Variants in CADM1 observed in about 807,000 individuals in gnomAD.
CADM1 encodes the protein cell adhesion molecule 1.
CADM1 carries 15 observed loss-of-function variants against 53.1 expected under a neutral mutation model. The observed-to-expected ratio is 0.28, with a 90% CI of 0.19 to 0.44. The LOEUF is 0.44. Ranked by LOEUF, CADM1 falls within the 20% of genes least tolerant of loss-of-function variation. CADM1 has a pLI of 1.00. For synonymous variants in CADM1, 281 were observed against 243.0 expected (o/e 1.16, Z -1.45); for missense variants, 434 against 611.3 (o/e 0.71, Z 3.06).
At chr11:115,186,516 A>G (rs1476646633) in intron 10 of CADM1, among the ~76,000 whole-genome samples, 1 of 152,086 alleles carries the variant, frequency 6.6e-6, no homozygotes, top group Non-Finnish European at 1.5e-5. Context: ...TCATAGGGGG[A>G]AAGGTGGCCC....
At chr11:115,388,359 T>A (rs189770254) in intron 1 of CADM1, among the ~76,000 whole-genome samples, 1 of 152,054 alleles carries the variant, frequency 6.6e-6, no homozygotes, top group Non-Finnish European at 1.5e-5. Flanking sequence ...AAAATCACCA[T>A]AGAAAAGACT....
intron 1 of CADM1, among the ~76,000 whole-genome samples, chr11:115,441,877 AC>A (rs765576481): frequency 5.3e-5 from 8 of 152,054 alleles, no homozygotes; most frequent in Non-Finnish European, 1.2e-4. Flanking sequence ...GCAAAAACAA[AC>A]AAAAAAAACC....
intron 1 of CADM1, among the ~76,000 whole-genome samples, chr11:115,393,558 GAA>G (rs35434663): frequency 2.1e-5 from 3 of 140,148 alleles, no homozygotes; most frequent in African/African-American, 8.0e-5. Flanking sequence ...AACAGTATCT[GAA>G]AAAAAAAAAA....
In CADM1 at chr11:115,396,180, G is replaced by A. The variant is rs560370364; in HGVS notation, c.124+108091C>T. ...TCAAAGATGCCTCTCAGTTTGGCAGGGCCTCCACATATGTCTGTGAATAAT... is the reference window on the plus strand; with the variant it reads ...TCAAAGATGCCTCTCAGTTTGGCAGAGCCTCCACATATGTCTGTGAATAAT... On this transcript the variant is annotated intron_variant, in intron 1 of 11. Transcript: ENST00000331581. Among the ~76,000 whole-genome samples the A allele has an allele frequency of 3.3e-4, 51 of 152,306 alleles. No homozygotes were observed. The South Asian group carries it at 4.1e-3, about 12-fold the overall frequency.
At chr11:115,282,735 C>T (rs773938283) in intron 1 of CADM1, among the ~76,000 whole-genome samples, 1 of 152,128 alleles carries the variant, frequency 6.6e-6, no homozygotes, top group East Asian at 1.9e-4. Context: ...ATACACCAAT[C>T]GCCTTAAATG....
At chr11:115,263,094 A>C (rs1312168169) in intron 1 of CADM1, among the ~76,000 whole-genome samples, 1 of 152,236 alleles carries the variant, frequency 6.6e-6, no homozygotes, top group Non-Finnish European at 1.5e-5. Context: ...AATGCCACGG[A>C]GGCGACGCGC....
chr11:115,198,127 G>A (rs1940248627), intron 9 of CADM1, among the ~76,000 whole-genome samples: 1 of 152,168 alleles, frequency 6.6e-6, no homozygotes, highest in African/African-American at 2.4e-5. Flanking sequence ...AGGTTTGGTG[G>A]AGTTTTGTAA....
intron 1 of CADM1, among the ~76,000 whole-genome samples, chr11:115,371,638 AT>A (rs11396249): frequency 0.015 from 2,085 of 135,374 alleles, 10 homozygotes; most frequent in Middle Eastern, 0.027. Flanking sequence ...GTCAGACTGG[AT>A]TTTTTTTTTT....
At chr11:115,181,591 C>T (rs902032736) in intron 10 of CADM1, among the ~76,000 whole-genome samples, 2 of 152,202 alleles carry the variant, frequency 1.3e-5, no homozygotes, top group East Asian at 1.9e-4. Context: ...GGAACACTGC[C>T]GGTTACGAGC....
intron 1 of CADM1, among the ~76,000 whole-genome samples, chr11:115,341,315 A>C (rs77364416): frequency 6.6e-6 from 1 of 152,158 alleles, no homozygotes; most frequent in African/African-American, 2.4e-5. Flanking sequence ...TGGCCTCCTC[A>C]TGAGCTACAA....
chr11:115,295,542 A>G (rs1202607319), intron 1 of CADM1, among the ~76,000 whole-genome samples: 1 of 56,294 alleles, frequency 1.8e-5, no homozygotes, highest in Non-Finnish European at 2.7e-5. Flanking sequence ...ATATATATAT[A>G]TATATATAAT....
intron 1 of CADM1, among the ~76,000 whole-genome samples, chr11:115,294,443 T>C (rs1943993622): frequency 6.6e-6 from 1 of 152,202 alleles, no homozygotes; most frequent in South Asian, 2.1e-4. Flanking sequence ...CCCGTTCTCA[T>C]CTACCGCCAT....
At chr11:115,384,167 A>T (rs1377759216) in intron 1 of CADM1, among the ~76,000 whole-genome samples, 4 of 152,190 alleles carry the variant, frequency 2.6e-5, no homozygotes, top group African/African-American at 9.6e-5. Flanking sequence ...GCCATTAAAT[A>T]TTGAACAGAT....
At chr11:115,277,968 G>A (rs1415376642) in intron 1 of CADM1, among the ~76,000 whole-genome samples, 1 of 151,936 alleles carries the variant, frequency 6.6e-6, no homozygotes, top group Non-Finnish European at 1.5e-5. Context: ...TCCATCCCTG[G>A]TATCAAACTT....
rs1412916203 is a variant in CADM1 at position 115,169,608 on chromosome 11, G to A, written c.*6866C>T. On this transcript the variant is annotated 3_prime_UTR_variant, in exon 12 of 12. Transcript: ENST00000331581. The stretch of plus-strand genomic sequence containing the variant: ...CCCTCATCACTTTATTCTGGGAGAG[G>A]AGGTTAGAGAAAACAGGCCTAGAGA... 2 of 456,656 alleles carry A rather than the reference G, an allele frequency of 4.4e-6. No homozygotes were observed. The highest frequency in any genetic ancestry group is 8.8e-6 in the Non-Finnish European group (2 of 226,960). 28.3% of individuals were successfully genotyped at this position (456,656 alleles called of 1,614,324 possible). A position where few individuals can be genotyped will look rare whatever the true frequency, so the allele number is the denominator to read the frequency against.
intron 1 of CADM1, among the ~76,000 whole-genome samples, chr11:115,496,474 T>A (rs567871995): frequency 6.6e-6 from 1 of 152,272 alleles, no homozygotes; most frequent in Non-Finnish European, 1.5e-5. Context: ...CCATCAGGAT[T>A]AAGCTGAAAA....
intron 1 of CADM1, among the ~76,000 whole-genome samples, chr11:115,452,341 C>T (rs1948592897): frequency 6.6e-6 from 1 of 152,276 alleles, no homozygotes; most frequent in African/African-American, 2.4e-5. Flanking sequence ...ATTTGAATTA[C>T]AGCTCACCAA....
intron 10 of CADM1, among the ~76,000 whole-genome samples, chr11:115,179,265 C>T (rs1939195470): frequency 6.6e-6 from 1 of 152,070 alleles, no homozygotes; most frequent in Non-Finnish European, 1.5e-5. Context: ...GCCACAGTTG[C>T]CTAGAGATAA....
intron 10 of CADM1, among the ~76,000 whole-genome samples, chr11:115,189,369 G>C (rs1011091570): frequency 6.6e-6 from 1 of 152,118 alleles, no homozygotes; most frequent in Admixed American, 6.5e-5. Context: ...AGTGATCCTT[G>C]TCTGGCTATT....
Sources: gnomAD v4.1 joint callset for allele counts (sites outside exome capture counted in the v4.1 genomes callset) on GRCh38, gnomAD v4.1.1 for gene constraint, MANE v1.5 for transcripts, NCBI Gene and HGNC (gene_info 2026-07-23, HGNC 2026-07-21) for gene names.